PRKG2: variants seen among roughly 807,000 people sequenced by gnomAD.
The protein encoded by PRKG2 is protein kinase cGMP-dependent 2, also known as cGMP-dependent protein kinase 2.
Under a neutral mutation model 97.2 loss-of-function variants are expected in PRKG2, and 33 were observed. That is an observed-to-expected ratio of 0.34 (90% CI 0.26 to 0.45). The LOEUF (loss-of-function observed/expected upper bound fraction) is 0.45, where lower values mean the gene tolerates loss of function less well. Ranked by LOEUF, PRKG2 falls within the 20% of genes least tolerant of loss-of-function variation. PRKG2 has a pLI of 1.00. For synonymous variants in PRKG2, 330 were observed against 321.8 expected (o/e 1.03, Z -0.27); for missense variants, 638 against 900.0 (o/e 0.71, Z 3.73).
At chr4:81,188,197 C>T (rs1258652994) in intron 2 of PRKG2, among the ~76,000 whole-genome samples, 2 of 151,686 alleles carry the variant, frequency 1.3e-5, no homozygotes, top group African/African-American at 2.4e-5. Flanking sequence ...ACAACCCCAT[C>T]AAACAGTGGG....
At chr4:81,116,124 T>C (rs1744491441) in intron 14 of PRKG2, among the ~76,000 whole-genome samples, 2 of 152,168 alleles carry the variant, frequency 1.3e-5, no homozygotes, top group Admixed American at 1.3e-4. Flanking sequence ...ACAGATTATC[T>C]CATCATCCAG....
Position 81,137,501 on chromosome 4 carries a change from A to C in PRKG2, c.1545-19T>G. ...ATATAATCTGTGAAGACAGATAAAAACATGGTTATTATTGGAAATCTAGTT... is the reference window on the plus strand; with the variant it reads ...ATATAATCTGTGAAGACAGATAAAACCATGGTTATTATTGGAAATCTAGTT... On this transcript the variant is annotated intron_variant, in intron 12 of 18. Transcript: ENST00000264399. 1 of 1,567,452 alleles carries C rather than the reference A, an allele frequency of 6.4e-7. No homozygotes were observed. The highest frequency in any genetic ancestry group is 8.8e-7 in the Non-Finnish European group (1 of 1,140,922).
At chr4:81,157,115 C>G (rs1446004931) in intron 6 of PRKG2, among the ~76,000 whole-genome samples, 1 of 151,998 alleles carries the variant, frequency 6.6e-6, no homozygotes, top group Non-Finnish European at 1.5e-5. Flanking sequence ...TACAAAAAAC[C>G]CTTCCAAAAA....
At chr4:81,144,764 C>G (rs1288445899) in intron 9 of PRKG2, among the ~76,000 whole-genome samples, 14 of 121,166 alleles carry the variant, frequency 1.2e-4, no homozygotes, top group African/African-American at 3.7e-4. Flanking sequence ...CCCCTCCCCC[C>G]ACCCCATGAC....
At chr4:81,115,202 G>A (rs1744393974) in intron 14 of PRKG2, among the ~76,000 whole-genome samples, 1 of 151,984 alleles carries the variant, frequency 6.6e-6, no homozygotes. Flanking sequence ...TTTTCCAAAG[G>A]GATTGTATGA....
intron 6 of PRKG2, among the ~76,000 whole-genome samples, chr4:81,166,667 T>G (rs1051984256): frequency 1.3e-5 from 2 of 152,146 alleles, no homozygotes; most frequent in African/African-American, 4.8e-5. Flanking sequence ...AAGTGCTTCT[T>G]AAATACAGTT....
intron 3 of PRKG2, chr4:81,173,878 T>C (rs191776514): frequency 2.3e-4 from 35 of 152,148 alleles, no homozygotes; most frequent in Admixed American, 2.1e-3. Flanking sequence ...GTCAACAACA[T>C]GTCAACAACA....
intron 1 of PRKG2, among the ~76,000 whole-genome samples, chr4:81,213,352 G>A (rs1754105254): frequency 6.6e-6 from 1 of 152,094 alleles, no homozygotes; most frequent in Admixed American, 6.5e-5. Flanking sequence ...AGGAGGAGAA[G>A]CAAACCACAA....
intron 17 of PRKG2, among the ~76,000 whole-genome samples, chr4:81,098,839 T>C (rs1319564561): frequency 6.6e-6 from 1 of 152,154 alleles, no homozygotes; most frequent in Non-Finnish European, 1.5e-5. Context: ...AAGTGTAAAA[T>C]ATTGTAAGAA....
rs59866145 is a variant in PRKG2, at chr4:81,092,465, A to AAAGGAAGGAAGGAAGGAAGGAAGG, written c.2127-37_2127-14dup. 2,076 of 926,504 alleles carry AAAGGAAGGAAGGAAGGAAGGAAGG rather than the reference A, an allele frequency of 2.2e-3. 107 individuals carry two copies. The highest frequency in any genetic ancestry group is 0.021 in the African/African-American group (1,015 of 48,700). 57.4% of individuals were successfully genotyped at this position (926,504 alleles called of 1,614,324 possible). On this transcript the variant is annotated splice_polypyrimidine_tract_variant and intron_variant, in intron 17 of 18. Coordinates refer to ENST00000264399, the MANE Select transcript of PRKG2 (RefSeq NM_006259.3). ...ACCATTTAACCACCTGAGAAATGAGAAAGGAAGGAAGGAAGGAAGGAAGGA... is the reference window on the plus strand; with the variant it reads ...ACCATTTAACCACCTGAGAAATGAGAAAGGAAGGAAGGAAGGAAGGAAGGAAGGAAGGAAGGAAGGAAGGAAGGA...
At chr4:81,100,369 C>T (rs1052576709) in intron 17 of PRKG2, among the ~76,000 whole-genome samples, 1 of 152,042 alleles carries the variant, frequency 6.6e-6, no homozygotes, top group Non-Finnish European at 1.5e-5. Context: ...AACAGAGATG[C>T]AGACCAATGG....
chr4:81,152,154 G>T, intron 7 of PRKG2, 100 bp from the exon 8 acceptor site: 2 of 853,020 alleles, frequency 2.3e-6, no homozygotes, highest in South Asian at 1.7e-5. Context: ...ATATAAACTT[G>T]GACAAGGAAA....
rs1490941351 is a variant in PRKG2 at position 81,135,170 on chromosome 4, C to G, written c.1761G>C (p.Glu587Asp). The change falls in exon 14 of 19, where the codon GAG becomes GAC. Residue 587 changes from glutamate (E) to aspartate (D), a missense_variant. Physicochemically the swap from Glu to Asp is conservative, Grantham distance 45 (BLOSUM62 2). Coordinates refer to ENST00000264399, the MANE Select transcript of PRKG2 (RefSeq NM_006259.3). ...LKPENLILDA[E>D]GYLKLVDFGF... is the part of the protein sequence containing the mutation. ...GTTGTCTTACCAATTTAAGGTAACC[C>G]TCAGCATCTAGAATTAAGTTTTCTG... The G allele has an allele frequency of 1.9e-6, 3 of 1,606,228 alleles. No homozygotes were observed. The highest frequency in any genetic ancestry group is 8.5e-7 in the Non-Finnish European group (1 of 1,176,020).
intron 17 of PRKG2, among the ~76,000 whole-genome samples, chr4:81,093,847 C>T (rs1741849119): frequency 6.6e-6 from 1 of 152,112 alleles, no homozygotes; most frequent in South Asian, 2.1e-4. Flanking sequence ...TAGAAACAAT[C>T]TACTCTGTCT....
chr4:81,163,881 C>T (rs1400774765), intron 6 of PRKG2, among the ~76,000 whole-genome samples: 1 of 148,532 alleles, frequency 6.7e-6, no homozygotes, highest in African/African-American at 2.6e-5. Context: ...CACACACACA[C>T]ACACACACAC....
chr4:81,203,620 A>G (rs1753450478), intron 2 of PRKG2, among the ~76,000 whole-genome samples: 1 of 152,200 alleles, frequency 6.6e-6, no homozygotes, highest in Non-Finnish European at 1.5e-5. Flanking sequence ...TCAGTTAAAA[A>G]TAGTAAGGGA....
At chr4:81,096,906 T>C (rs1742170597) in intron 17 of PRKG2, among the ~76,000 whole-genome samples, 3 of 152,228 alleles carry the variant, frequency 2.0e-5, no homozygotes, top group Admixed American at 2.0e-4. Flanking sequence ...CCTATTGATG[T>C]TGCTATTTTA....
intron 17 of PRKG2, 68 bp downstream of exon 17, chr4:81,104,302 A>G: frequency 8.3e-7 from 1 of 1,198,432 alleles, no homozygotes; most frequent in East Asian, 2.9e-5. Flanking sequence ...TCCTGAGAGA[A>G]GCTTTTGCAA....
At chr4:81,205,246 C>G (rs1753585892) in intron 1 of PRKG2, among the ~76,000 whole-genome samples, 186 bp from the exon 2 acceptor site, 1 of 150,652 alleles carries the variant, frequency 6.6e-6, no homozygotes, top group Non-Finnish European at 1.5e-5. Context: ...TTTTTTCCCT[C>G]CATGAAGAGG....
Sources: allele counts gnomAD v4.1 joint callset (sites outside exome capture counted in the v4.1 genomes callset), GRCh38; gene constraint gnomAD v4.1.1; transcripts MANE v1.5; gene names NCBI Gene and HGNC (gene_info 2026-07-23, HGNC 2026-07-21).